The following SREBF2 variants were observed in gnomAD, a reference collection of about 807,000 sequenced individuals.
SREBF2 encodes sterol regulatory element binding transcription factor 2, also known as sterol regulatory element-binding protein 2.
Under a neutral mutation model 113.1 loss-of-function variants are expected in SREBF2, and 55 were observed. That is an observed-to-expected ratio of 0.49 (90% CI 0.39 to 0.61). The LOEUF is 0.61. Among genes scored for constraint, SREBF2 ranks in the 20% least tolerant of loss-of-function variants. The pLI, the probability that SREBF2 is intolerant of heterozygous loss-of-function variation, is 0.00. For missense variants in SREBF2, 1,349 were observed against 1,487.4 expected (o/e 0.91, Z 1.53); for synonymous variants, 593 against 605.7 (o/e 0.98, Z 0.31).
At chr22:41,880,413 A>AG (rs2077234338) in intron 9 of SREBF2, among the ~76,000 whole-genome samples, 1 of 151,910 alleles carries the variant, frequency 6.6e-6, no homozygotes, top group African/African-American at 2.4e-5. Flanking sequence ...AAAAAAAAAA[A>AG]AAAGTGCTAC....
intron 17 of SREBF2, 22 bp from the exon 18 acceptor site, chr22:41,904,841 T>C (rs1235130521): frequency 6.4e-7 from 1 of 1,558,268 alleles, no homozygotes; most frequent in South Asian, 1.2e-5. Context: ...GTGTGATGGA[T>C]GTCACCCCGG....
Position 41,880,898 on chromosome 22 carries a change from G to A in SREBF2, c.1944G>A (p.Thr648=), listed in dbSNP as rs201061816. 49 of 1,611,330 alleles carry A rather than the reference G, an allele frequency of 3.0e-5. No homozygotes were observed. In the Middle Eastern group the frequency reaches 5.0e-4, roughly 16 times the overall value. ...LKKVFQCRRA[T]PATEAGFEDE... The stretch of plus-strand genomic sequence containing the variant: ...AAGTCTTCCAGTGCCGGCGGGCCAC[G>A]CCAGCCACTGAGGCAGGCTTTGAAG... Residue 648 remains threonine (T), a synonymous_variant, in exon 10 of 19, where the codon ACG becomes ACA. Transcript: ENST00000361204.
At position 41,893,219 on chromosome 22, in the gene SREBF2, A is replaced by T; in HGVS notation, c.2311A>T (p.Met771Leu). 1 of 1,614,120 alleles carries T rather than the reference A, an allele frequency of 6.2e-7. No homozygotes were observed. Among genetic ancestry groups the T allele is most frequent in the Non-Finnish European group, 8.5e-7 (1 of 1,180,024 alleles). ...LCHPLGQKFF[M>L]ERSWSVKSAA... ...CCACCCCCTGGGCCAGAAGTTTTTC[A>T]TGGAGCGGAGCTGGTCTGTGAAGTC... The change falls in exon 12 of 19, where the codon ATG becomes TTG. Residue 771 changes from methionine (M) to leucine (L), a missense_variant. Met to Leu is a conservative substitution (Grantham distance 15). Around this residue, in one of 2 missense-constraint regions of SREBF2, gnomAD observed 650 missense variants for 644.1 expected, o/e 1.01. Coordinates refer to ENST00000361204, the MANE Select transcript of SREBF2 (RefSeq NM_004599.4).
chr22:41,867,676 G>A (rs959410970), intron 2 of SREBF2, among the ~76,000 whole-genome samples: 6 of 152,060 alleles, frequency 3.9e-5, no homozygotes, highest in Non-Finnish European at 5.9e-5. Context: ...GCATGGTGGC[G>A]GGCGCCTGTA....
Position 41,881,088 on chromosome 22 carries a change from G to C in SREBF2, c.2038+96G>C. 5 of 1,497,642 alleles carry C rather than the reference G, an allele frequency of 3.3e-6. No individual in the cohort carries two copies. In the South Asian group the frequency reaches 4.8e-5, roughly 14 times the overall value. 92.8% of individuals were successfully genotyped at this position (1,497,642 alleles called of 1,614,324 possible). On this transcript the variant is annotated intron_variant, in intron 10 of 18. Transcript: ENST00000361204. ...TTGCCAGTTCTGCACCCTAGCTGAAGTCCCTTTAACGCTACTCTTTTAGAG... is the reference window on the plus strand; with the variant it reads ...TTGCCAGTTCTGCACCCTAGCTGAACTCCCTTTAACGCTACTCTTTTAGAG...
intron 11 of SREBF2, among the ~76,000 whole-genome samples, chr22:41,885,243 T>G (rs1489818581): frequency 6.6e-6 from 1 of 152,172 alleles, no homozygotes; most frequent in East Asian, 1.9e-4. Context: ...GGCAGGACAT[T>G]TTGGTCCCCT....
At chr22:41,866,716 A>G in intron 1 of SREBF2, 115 bp from the exon 2 acceptor site, 1 of 1,272,376 alleles carries the variant, frequency 7.9e-7, no homozygotes, top group Non-Finnish European at 1.1e-6. Flanking sequence ...TTCCTGACCC[A>G]TTTCTGCCAT....
At chr22:41,887,686 C>A (rs140046638) in intron 11 of SREBF2, among the ~76,000 whole-genome samples, 1 of 152,168 alleles carries the variant, frequency 6.6e-6, no homozygotes, top group Non-Finnish European at 1.5e-5. Context: ...CCTCCTTGTA[C>A]ACACATCTTT....
intron 11 of SREBF2, among the ~76,000 whole-genome samples, chr22:41,890,663 T>TA (rs1305728763): frequency 5.3e-4 from 78 of 146,234 alleles, no homozygotes; most frequent in South Asian, 1.5e-3. Context: ...TAGGAAAACT[T>TA]AAAAAAAAAT....
chr22:41,867,071 C>T lies in SREBF2; in HGVS notation c.329C>T (p.Pro110Leu). Reference protein sequence around the residue: ...FSPSAASPQAPTLQVKVSPTS... With the variant: ...FSPSAASPQALTLQVKVSPTS... The stretch of plus-strand genomic sequence containing the variant: ...CCCTCGGCGGCCTCCCCACAGGCTC[C>T]AACTCTGCAAGTCAAGGTTTCTCCC... Residue 110 changes from proline (P) to leucine (L), a missense_variant, in exon 2 of 19, where the codon CCA (proline) becomes CTA (leucine). By Grantham distance (98) the Pro-to-Leu change is moderately conservative (BLOSUM62 -3). This residue lies in a region of SREBF2 where 699 missense variants were observed against 843.3 expected (regional missense o/e 0.83). Coordinates refer to ENST00000361204, the MANE Select transcript of SREBF2 (RefSeq NM_004599.4). The T allele has an allele frequency of 3.1e-6, 5 of 1,614,208 alleles. No homozygotes were observed. Among genetic ancestry groups the T allele is most frequent in the Non-Finnish European group, 4.2e-6 (5 of 1,180,044 alleles).
intron 1 of SREBF2, among the ~76,000 whole-genome samples, chr22:41,835,978 C>T (rs1307662986): frequency 6.6e-6 from 1 of 152,196 alleles, no homozygotes; most frequent in Non-Finnish European, 1.5e-5. Context: ...CTGTCTTTAT[C>T]CCCACAGATT....
intron 1 of SREBF2, among the ~76,000 whole-genome samples, chr22:41,860,482 C>G (rs1191187284): frequency 6.6e-6 from 1 of 152,144 alleles, no homozygotes; most frequent in Non-Finnish European, 1.5e-5. Context: ...ATTTTTGAAA[C>G]CTTTCCAAAG....
At chr22:41,875,796 C>T in intron 7 of SREBF2, 72 bp downstream of exon 7, 2 of 1,554,672 alleles carry the variant, frequency 1.3e-6, no homozygotes, top group Non-Finnish European at 1.8e-6. Context: ...TGGGAGGTCA[C>T]AGTTATGAGG....
chr22:41,889,060 T>C (rs915844084), intron 11 of SREBF2, among the ~76,000 whole-genome samples: 1 of 152,156 alleles, frequency 6.6e-6, no homozygotes, highest in Non-Finnish European at 1.5e-5. Flanking sequence ...TTCCCAAACA[T>C]TCTCTACTCA....
intron 1 of SREBF2, among the ~76,000 whole-genome samples, chr22:41,859,907 G>T (rs1269766636): frequency 7.2e-6 from 1 of 137,986 alleles, no homozygotes; most frequent in African/African-American, 2.7e-5. Flanking sequence ...CCAGGTTCTC[G>T]CCATTCTCCT....
At chr22:41,854,188 C>T (rs74648920) in intron 1 of SREBF2, among the ~76,000 whole-genome samples, 7 of 151,622 alleles carry the variant, frequency 4.6e-5, no homozygotes, top group African/African-American at 1.5e-4. Context: ...TTTGAGATGG[C>T]GTTTCACTCT....
intron 1 of SREBF2, chr22:41,834,356 C>G (rs1405717967): frequency 7.2e-5 from 11 of 152,586 alleles, no homozygotes; most frequent in Admixed American, 7.2e-4. Context: ...CACAACAATC[C>G]TGTGAGATAC....
chr22:41,859,614 A>AAC (rs2077006868), intron 1 of SREBF2, among the ~76,000 whole-genome samples: 1 of 152,008 alleles, frequency 6.6e-6, no homozygotes, highest in East Asian at 1.9e-4. Context: ...AAAAAAAAAA[A>AAC]ACCCACTATG....
In SREBF2 at chr22:41,875,632, T is replaced by TC. The variant is rs760365601; in HGVS notation, c.1301dup (p.Ala435SerfsTer3). 9 of 1,613,690 alleles carry TC rather than the reference T, an allele frequency of 5.6e-6. No homozygotes were observed. Among genetic ancestry groups the TC allele is most frequent in the South Asian group, 5.5e-5 (5 of 91,068 alleles). ...CTTTAATCAGAATGTCCTTCTGATG[T>TC]CCCCCCCAGCCTCTGACTCAGGGTC... On this transcript the variant is annotated frameshift_variant, in exon 7 of 19. Transcript: ENST00000361204. LOFTEE classifies it high-confidence loss of function.
Sources: allele counts gnomAD v4.1 joint callset (sites outside exome capture counted in the v4.1 genomes callset), GRCh38; gene constraint gnomAD v4.1.1; regional missense constraint gnomAD v4.1.1; transcripts MANE v1.5; gene names NCBI Gene and HGNC (gene_info 2026-07-23, HGNC 2026-07-21).